Variants in ATP8B3 observed in about 807,000 individuals in gnomAD.
ATP8B3 encodes phospholipid-transporting ATPase IK.
In ATP8B3, 141 loss-of-function variants were observed where a neutral mutation model predicts 140.9. The observed-to-expected ratio is 1.00, with a 90% CI of 0.87 to 1.15. The LOEUF is 1.15. Among genes scored for constraint, ATP8B3 ranks in the 50% most tolerant of loss-of-function variants. The pLI, the probability that ATP8B3 is intolerant of heterozygous loss-of-function variation, is 0.00. For synonymous variants in ATP8B3, 765 were observed against 714.6 expected (o/e 1.07, Z -1.13); for missense variants, 1,874 against 1,740.6 (o/e 1.08, Z -1.36).
chr19:1,802,406 T>TTCCCCCCCCCCC, intron 11 of ATP8B3, 81 bp downstream of exon 11: 1 of 421,058 alleles, frequency 2.4e-6, no homozygotes, highest in South Asian at 1.8e-5. Context: ...TCCACCCACC[T>TTCCCCCCCCCCC]ACCCACCCAC....
Position 1,787,171 on chromosome 19 carries a change from A to G in ATP8B3, c.3085T>C (p.Trp1029Arg), listed in dbSNP as rs1298095344. The G allele has an allele frequency of 6.2e-7, 1 of 1,610,302 alleles. No individual in the cohort carries two copies. Among genetic ancestry groups the G allele is most frequent in the South Asian group, 1.1e-5 (1 of 90,364 alleles). ...AGGAGGTTGAAAAGAGCCAGGAACC[A>G]TCCTTCATACAGGGGCTGAGCCGGG... is the stretch of plus-strand genomic sequence containing the variant. ...GFTGQPLYEG[W>R]FLALFNLLYS... Residue 1029 changes from tryptophan (W) to arginine (R), a missense_variant, in exon 25 of 29, where the codon TGG becomes CGG. By Grantham distance (101) the Trp-to-Arg change is moderately radical (BLOSUM62 -3). Transcript: ENST00000310127.
chr19:1,792,354 C>T (rs1342188886), intron 18 of ATP8B3, among the ~76,000 whole-genome samples: 1 of 151,944 alleles, frequency 6.6e-6, no homozygotes, highest in East Asian at 1.9e-4. Context: ...CTGAGGCAGG[C>T]GGATCATTTG....
At position 1,805,356 on chromosome 19, in the gene ATP8B3, C is replaced by G. The variant is rs1477735579; in HGVS notation, c.904+18G>C. The G allele has an allele frequency of 6.4e-7, 1 of 1,550,532 alleles. No individual in the cohort carries two copies. Among genetic ancestry groups the G allele is most frequent in the Non-Finnish European group, 8.8e-7 (1 of 1,142,716 alleles). ...TTACAGATTCGAGGGACGTGACTCC[C>G]TGCTCAACGCCTCTCACCTTGAAAG... On this transcript the variant is annotated intron_variant, in intron 10 of 28. Transcript: ENST00000310127. This position sits in a 1 kb window ranked among gnomAD's most constrained non-coding sequence, Gnocchi z 5.2.
chr19:1,802,434 T>C (rs10418344), intron 11 of ATP8B3, 53 bp downstream of exon 11: 199,635 of 609,950 alleles, frequency 0.33, 22,223 homozygotes, highest in East Asian at 0.65. Flanking sequence ...CACATCCATC[T>C]ACCACGCTCC....
rs778097104 is a variant in ATP8B3, at chr19:1,796,081, C to A, written c.1938G>T (p.Val646=). The A allele has an allele frequency of 1.2e-6, 2 of 1,612,776 alleles. No homozygotes were observed. The highest frequency in any genetic ancestry group is 2.2e-5 in the East Asian group (1 of 44,872). ...DFNSTRKRMS[V]LVRKPEGAIC... ...GGCTTGGGTGGCGGGGCTCACCCAGCACCGACATCCGTTTGCGCGTGCTGT... is the reference window on the plus strand; with the variant it reads ...GGCTTGGGTGGCGGGGCTCACCCAGAACCGACATCCGTTTGCGCGTGCTGT... The change falls in exon 17 of 29, where the codon GTG becomes GTT. Residue 646 remains valine, a synonymous_variant. Transcript: ENST00000310127.
rs554830069 is a variant in ATP8B3 at position 1,807,916 on chromosome 19, C to T, written c.516+306G>A. ...GGGAGGGCGGGGGCCAGGGGAGCTG[C>T]GTGGCCGAGGCCGTTTAGGCTGGGG... On this transcript the variant is annotated intron_variant, in intron 5 of 28. Coordinates refer to ENST00000310127, the MANE Select transcript of ATP8B3 (RefSeq NM_138813.4). This position sits in a 1 kb window ranked among gnomAD's most constrained non-coding sequence, Gnocchi z 5.9. Among the ~76,000 whole-genome samples the T allele has an allele frequency of 3.3e-5, 5 of 152,320 alleles. No homozygotes were observed. The highest frequency in any genetic ancestry group is 4.1e-4 in the South Asian group (2 of 4,834).
At chr19:1,783,331 G>T in intron 28 of ATP8B3, 61 bp from the exon 29 acceptor site, 1 of 1,548,220 alleles carries the variant, frequency 6.5e-7, no homozygotes, top group South Asian at 1.2e-5. Flanking sequence ...TGGCTCTCAG[G>T]TCCCCCAAGT....
intron 17 of ATP8B3, 35 bp downstream of exon 17, chr19:1,796,042 C>T: frequency 1.9e-6 from 3 of 1,611,790 alleles, no homozygotes; most frequent in Non-Finnish European, 2.5e-6. Flanking sequence ...CCCGCCCCAC[C>T]TTGGGGGGCC....
chr19:1,798,683 A>C (rs944817223), intron 14 of ATP8B3: 6 of 151,856 alleles, frequency 4.0e-5, no homozygotes, highest in African/African-American at 1.5e-4. Flanking sequence ...GCTTGCAGTG[A>C]GCCGAGATCG....
intron 12 of ATP8B3, among the ~76,000 whole-genome samples, chr19:1,801,002 G>T (rs2068831481): frequency 6.7e-6 from 1 of 148,948 alleles, no homozygotes; most frequent in Admixed American, 6.7e-5. Context: ...CTAATTTTTT[G>T]TATTTTTAGT....
chr19:1,791,349 C>A (rs1424209647), intron 20 of ATP8B3, among the ~76,000 whole-genome samples: 1 of 151,424 alleles, frequency 6.6e-6, no homozygotes, highest in Non-Finnish European at 1.5e-5. Flanking sequence ...GTAGCTGAGA[C>A]CACAAGCATG....
intron 25 of ATP8B3, 27 bp downstream of exon 25, chr19:1,787,076 A>G: frequency 6.4e-7 from 1 of 1,552,194 alleles, no homozygotes; most frequent in Non-Finnish European, 8.8e-7. Context: ...GAGACCTGGA[A>G]GGAAGACCCG....
At chr19:1,784,048 CCTCACTCCTT>C (rs1388637911) in intron 28 of ATP8B3, among the ~76,000 whole-genome samples, 1 of 152,190 alleles carries the variant, frequency 6.6e-6, no homozygotes, top group Non-Finnish European at 1.5e-5. Context: ...TGTGTCAGAG[CCTCACTCCTT>C]CTCACGGCTC....
At chr19:1,803,381 A>G (rs906079881) in intron 10 of ATP8B3, among the ~76,000 whole-genome samples, 3 of 152,190 alleles carry the variant, frequency 2.0e-5, no homozygotes, top group African/African-American at 7.2e-5. Flanking sequence ...GGAGACGCTC[A>G]TGGTGGGACG....
rs190280809 is a variant in ATP8B3 at position 1,807,771 on chromosome 19, C to T, written c.516+451G>A. On this transcript the variant is annotated intron_variant, in intron 5 of 28. Transcript: ENST00000310127. The surrounding 1 kb of genome is among the most constrained non-coding windows in gnomAD (Gnocchi z 5.9). The stretch of plus-strand genomic sequence containing the variant: ...GTGAGAGTGTTTGCTCTGAAAACAG[C>T]GCCCCTGGCCGGATGCCGGCCCCAC... 1.6e-4 allele frequency among the ~76,000 whole-genome samples: 24 copies of T among 152,402 alleles called. No homozygotes were observed. Among genetic ancestry groups the T allele is most frequent in the African/African-American group, 2.2e-4 (9 of 41,600 alleles).
At chr19:1,788,852 T>TC in intron 24 of ATP8B3, 45 bp downstream of exon 24, 1 of 1,514,174 alleles carries the variant, frequency 6.6e-7, no homozygotes, top group South Asian at 1.2e-5. Flanking sequence ...GGGCAGGGCA[T>TC]CCCCAGAGGC....
rs939601020 is a variant in ATP8B3 at position 1,789,904 on chromosome 19, T to A, written c.2464A>T (p.Asn822Tyr). Residue 822 changes from asparagine to tyrosine, a missense_variant, in exon 22 of 29, where the codon AAC becomes TAC. This residue lies in a region of ATP8B3 where 840 missense variants were observed against 760.9 expected (regional missense o/e 1.10). Coordinates refer to ENST00000310127, the MANE Select transcript of ATP8B3 (RefSeq NM_138813.4). ...GCGACACTGACCAGGAAGTCTCCGT[T>A]AATGACCAAGGCCAGCTTGACCTGC... ...LSQVKLALVI[N>Y]GDFLDKLLVS... The A allele has an allele frequency of 1.2e-6, 2 of 1,611,730 alleles. No individual in the cohort carries two copies. The highest frequency in any genetic ancestry group is 2.7e-5 in the African/African-American group (2 of 74,838).
chr19:1,805,560 C>G lies in ATP8B3; in HGVS notation c.822-104G>C, dbSNP rs953797033. The G allele has an allele frequency of 1.1e-5, 11 of 1,029,046 alleles. No individual in the cohort carries two copies. The Admixed American group carries it at 1.4e-4, about 13-fold the overall frequency. 63.7% of individuals were successfully genotyped at this position (1,029,046 alleles called of 1,614,324 possible). ...CTCAAACATTTTCACTGAGCACCTA[C>G]TAGTTCGCCAGCTGCCAGTCAGATG... is the stretch of plus-strand genomic sequence containing the variant. On this transcript the variant is annotated intron_variant, in intron 9 of 28. Transcript: ENST00000310127. The surrounding 1 kb of genome is among the most constrained non-coding windows in gnomAD (Gnocchi z 5.2).
chr19:1,785,557 C>T lies in ATP8B3; in HGVS notation c.3305G>A (p.Arg1102His), dbSNP rs756195898. 4.1e-5 allele frequency: 66 copies of T among 1,612,856 alleles called. No individual in the cohort carries two copies. The African/African-American group carries it at 8.3e-4, about 20-fold the overall frequency. The change falls in exon 26 of 29, where the codon CGC becomes CAC. Residue 1102 changes from arginine to histidine, a missense_variant. This residue lies in a region of ATP8B3 where 840 missense variants were observed against 760.9 expected (regional missense o/e 1.10). Coordinates refer to ENST00000310127, the MANE Select transcript of ATP8B3 (RefSeq NM_138813.4). ...GAAGCTGGCGGGTCCCGCCGTGTCGCGGCTGATCCACAGTGTCATGAAGAA... is the reference window on the plus strand; with the variant it reads ...GAAGCTGGCGGGTCCCGCCGTGTCGTGGCTGATCCACAGTGTCATGAAGAA... ...VNFFMTLWIS[R>H]DTAGPASFSD...
Sources: allele counts gnomAD v4.1 joint callset (sites outside exome capture counted in the v4.1 genomes callset), GRCh38; gene constraint gnomAD v4.1.1; regional missense constraint gnomAD v4.1.1; non-coding constraint Gnocchi (gnomAD v3.1); transcripts MANE v1.5; gene names NCBI Gene and HGNC (gene_info 2026-07-23, HGNC 2026-07-21).